Variants in AK8 observed in about 807,000 individuals in gnomAD.
The protein encoded by AK8 is ATP-AMP transphosphorylase 8.
AK8 carries 44 observed loss-of-function variants against 54.6 expected under a neutral mutation model. The ratio of observed to expected loss-of-function variants is 0.81; its 90% CI spans 0.63 to 1.04. The LOEUF is 1.04. Among genes scored for constraint, AK8 ranks in the 50% least tolerant of loss-of-function variants. The probability of loss-of-function intolerance (pLI) is 0.00; values close to 1 mark genes in which losing one functional copy is unlikely to be tolerated. For missense variants in AK8, 555 were observed against 613.6 expected, an observed-to-expected ratio of 0.90 and a Z score of 1.01; for synonymous variants, 239 against 245.6, an observed-to-expected ratio of 0.97 and a Z score of 0.25.
chr9:132,838,055 A>C (rs1313246389), intron 5 of AK8, among the ~76,000 whole-genome samples: 1 of 152,186 alleles, frequency 6.6e-6, no homozygotes, highest in African/African-American at 2.4e-5. Context: ...TGGCAAGAAA[A>C]TCCTGTGTTC....
chr9:132,742,461 G>T (rs1201975825), intron 11 of AK8, among the ~76,000 whole-genome samples: 1 of 152,158 alleles, frequency 6.6e-6, no homozygotes, highest in Non-Finnish European at 1.5e-5. Flanking sequence ...CGTGAGCCAC[G>T]GTGCTAGCCA....
rs1839491340 is a variant in AK8, at chr9:132,781,989, G to T, written c.1121+10645C>A. ...ATACCTTCAATGACTACGAAAGGATGATCAACAGCAGCATATGATTAAATC... is the reference window on the plus strand; with the variant it reads ...ATACCTTCAATGACTACGAAAGGATTATCAACAGCAGCATATGATTAAATC... On this transcript the variant is annotated intron_variant, in intron 11 of 12. Transcript: ENST00000298545. The surrounding 1 kb of genome is among the most constrained non-coding windows in gnomAD (Gnocchi z 4.6). 6.6e-6 allele frequency among the ~76,000 whole-genome samples: 1 copy of T among 152,214 alleles called. No individual in the cohort carries two copies. The highest frequency in any genetic ancestry group is 2.4e-5 in the African/African-American group (1 of 41,456).
chr9:132,741,986 C>T (rs1036735733), intron 11 of AK8, among the ~76,000 whole-genome samples: 5 of 152,158 alleles, frequency 3.3e-5, no homozygotes, highest in African/African-American at 1.2e-4. Context: ...GCACTTAACA[C>T]ATAATTACAT....
chr9:132,849,012 G>A (rs1343921699), intron 5 of AK8, among the ~76,000 whole-genome samples: 2 of 150,488 alleles, frequency 1.3e-5, no homozygotes, highest in Admixed American at 6.7e-5. Context: ...GGGTTCAAGC[G>A]ATTCTCCTAC....
chr9:132,862,296 G>C (rs888092114), intron 4 of AK8, among the ~76,000 whole-genome samples: 4 of 151,720 alleles, frequency 2.6e-5, no homozygotes, highest in African/African-American at 9.7e-5. Flanking sequence ...ACTTGGGGCT[G>C]GGGGTCTGTC....
chr9:132,842,749 C>T (rs960963796), intron 5 of AK8, among the ~76,000 whole-genome samples: 1 of 152,218 alleles, frequency 6.6e-6, no homozygotes, highest in South Asian at 2.1e-4. Flanking sequence ...GCTGTGTTCC[C>T]ATCTGGAGGC....
At chr9:132,789,597 C>CAAAAAAAAAAAAAAAAAA (rs578003731) in intron 11 of AK8, among the ~76,000 whole-genome samples, 1 of 57,552 alleles carries the variant, frequency 1.7e-5, no homozygotes, top group African/African-American at 6.4e-5. Context: ...ACTCATCTCA[C>CAAAAAAAAAAAAAAAAAA]AAAAAAAAAA....
intron 11 of AK8, among the ~76,000 whole-genome samples, chr9:132,761,269 C>CTTTTTTTTTTT (rs534596980): frequency 2.4e-5 from 3 of 125,656 alleles, no homozygotes; most frequent in Admixed American, 8.2e-5. Flanking sequence ...CTTTTCTTTT[C>CTTTTTTTTTTT]TTTTTTTTTT....
At chr9:132,762,023 C>T (rs1838497803) in intron 11 of AK8, among the ~76,000 whole-genome samples, 1 of 152,126 alleles carries the variant, frequency 6.6e-6, no homozygotes, top group Non-Finnish European at 1.5e-5. Context: ...CTGCATGCCA[C>T]CATACCTGGC....
chr9:132,748,035 G>A (rs1243954815), intron 11 of AK8, among the ~76,000 whole-genome samples: 3 of 151,578 alleles, frequency 2.0e-5, no homozygotes, highest in Non-Finnish European at 2.9e-5. Flanking sequence ...AGAGGTGGAG[G>A]TTGCAGTGAG....
At chr9:132,878,625 C>A, upstream of AK8, 1 of 1,047,110 alleles carries the variant, frequency 9.6e-7, no homozygotes, top group Non-Finnish European at 1.1e-6. The surrounding 1 kb of genome is among the most constrained non-coding windows in gnomAD (Gnocchi z 4.7). Context: ...CTCCCCGGCC[C>A]GGCTCCCTGT....
intron 11 of AK8, among the ~76,000 whole-genome samples, chr9:132,765,303 A>AAAAAAAC: frequency 6.8e-6 from 1 of 146,162 alleles, no homozygotes; most frequent in Non-Finnish European, 1.5e-5. Context: ...AAAAAAAAAA[A>AAAAAAAC]AAAAAAAAAA....
intron 3 of AK8, among the ~76,000 whole-genome samples, chr9:132,865,584 G>A (rs1174704065): frequency 6.6e-6 from 1 of 152,090 alleles, no homozygotes; most frequent in Admixed American, 6.6e-5. Flanking sequence ...CACTTTGGGA[G>A]GCCGAGGATC....
Position 132,790,249 on chromosome 9 carries a change from A to G in AK8, c.1121+2385T>C, listed in dbSNP as rs902078483. On this transcript the variant is annotated intron_variant, in intron 11 of 12. Coordinates refer to ENST00000298545, the MANE Select transcript of AK8 (RefSeq NM_152572.3). This position sits in a 1 kb window ranked among gnomAD's most constrained non-coding sequence, Gnocchi z 4.1. Reference sequence around the variant, plus strand: ...ACTAGAGATTTTAAATCACGGAGCTATACTTCTTTTTTTTTTTTTGAGACG... The same window carrying G: ...ACTAGAGATTTTAAATCACGGAGCTGTACTTCTTTTTTTTTTTTTGAGACG... Among the ~76,000 whole-genome samples the G allele has an allele frequency of 4.0e-5, 6 of 151,744 alleles. No homozygotes were observed. Among genetic ancestry groups the G allele is most frequent in the Non-Finnish European group, 7.4e-5 (5 of 67,988 alleles).
rs943050647 is a variant in AK8, at chr9:132,797,338, C to A, written c.980-4563G>T. Among the ~76,000 whole-genome samples, 3 of 152,234 alleles carry A rather than the reference C, an allele frequency of 2.0e-5. No homozygotes were observed. The East Asian group carries it at 5.8e-4, about 29-fold the overall frequency. On this transcript the variant is annotated intron_variant, in intron 10 of 12. Coordinates refer to ENST00000298545, the MANE Select transcript of AK8 (RefSeq NM_152572.3). ...GGAGGGAGGGAAGGAAAAAAGGGAA[C>A]CATTTCCAAAACCCAGGAAGTTCTT...
chr9:132,863,942 T>C (rs1243481624), intron 3 of AK8, among the ~76,000 whole-genome samples, 164 bp from the exon 4 acceptor site: 1 of 152,234 alleles, frequency 6.6e-6, no homozygotes, highest in Non-Finnish European at 1.5e-5. Context: ...GACCCACCCA[T>C]AAAGCACCTG....
chr9:132,727,271 C>T (rs1161213254), intron 12 of AK8, among the ~76,000 whole-genome samples, 183 bp downstream of exon 12: 1 of 152,160 alleles, frequency 6.6e-6, no homozygotes, highest in Non-Finnish European at 1.5e-5. Flanking sequence ...GTTATTCTTC[C>T]AGGCAAAGAC....
chr9:132,839,756 G>C (rs887854699), intron 5 of AK8, among the ~76,000 whole-genome samples: 1 of 141,616 alleles, frequency 7.1e-6, no homozygotes, highest in East Asian at 2.2e-4. Context: ...GTCTTAGTCC[G>C]TTTTTGCGGC....
chr9:132,838,151 G>C (rs1486824433), intron 5 of AK8, among the ~76,000 whole-genome samples: 1 of 152,192 alleles, frequency 6.6e-6, no homozygotes, highest in Non-Finnish European at 1.5e-5. Flanking sequence ...TGGTGGTTCT[G>C]TGGACCAGCA....
Sources: gnomAD v4.1 joint callset for allele counts (sites outside exome capture counted in the v4.1 genomes callset) on GRCh38, gnomAD v4.1.1 for gene constraint, Gnocchi (gnomAD v3.1) non-coding constraint, MANE v1.5 for transcripts, NCBI Gene and HGNC (gene_info 2026-07-23, HGNC 2026-07-21) for gene names.